EYS: variants seen among roughly 807,000 people sequenced by gnomAD.
The protein encoded by EYS is EGF-like photoreceptor maintenance factor.
In EYS, 250 loss-of-function variants were observed where a neutral mutation model predicts 282.1. The ratio of observed to expected loss-of-function variants is 0.89; its 90% CI spans 0.80 to 0.98. The LOEUF (loss-of-function observed/expected upper bound fraction) is 0.98. Among genes scored for constraint, EYS ranks in the 50% least tolerant of loss-of-function variants. EYS has a pLI of 0.00. For synonymous variants in EYS, 1,355 were observed against 1,282.9 expected (o/e 1.06, Z -1.20); for missense variants, 4,016 against 3,709.0 (o/e 1.08, Z -2.15).
chr6:65,450,421 G>A (rs1417814824), intron 5 of EYS, among the ~76,000 whole-genome samples: 1 of 152,054 alleles, frequency 6.6e-6, no homozygotes, highest in Non-Finnish European at 1.5e-5. Context: ...GGATTCTCTG[G>A]GAATCAGATG....
At chr6:65,419,802 AG>A (rs1767385694) in intron 5 of EYS, among the ~76,000 whole-genome samples, 1 of 151,994 alleles carries the variant, frequency 6.6e-6, no homozygotes, top group South Asian at 2.1e-4. Context: ...GAGCTATTGC[AG>A]GTAGGTTTCC....
At chr6:65,198,985 G>A (rs147984838) in intron 12 of EYS, among the ~76,000 whole-genome samples, 7 of 152,154 alleles carry the variant, frequency 4.6e-5, no homozygotes, top group Non-Finnish European at 8.8e-5. Context: ...ATGGCCTAGC[G>A]TAGCACATGA....
chr6:65,275,636 A>G (rs1372580430), intron 12 of EYS, among the ~76,000 whole-genome samples: 1 of 152,172 alleles, frequency 6.6e-6, no homozygotes, highest in Non-Finnish European at 1.5e-5. Context: ...GGGCAATCAT[A>G]TATGGATTCA....
chr6:65,088,318 T>A (rs1442805479), intron 12 of EYS, among the ~76,000 whole-genome samples: 1 of 152,100 alleles, frequency 6.6e-6, no homozygotes, highest in Admixed American at 6.6e-5. Flanking sequence ...GACAGGAAGA[T>A]GTGGGAAAGT....
At chr6:65,347,864 A>C (rs912836034) in intron 9 of EYS, among the ~76,000 whole-genome samples, 1 of 151,300 alleles carries the variant, frequency 6.6e-6, no homozygotes, top group African/African-American at 2.4e-5. Flanking sequence ...ATCTATCCCC[A>C]CTTCCATCCA....
chr6:65,497,781 A>T (rs1247762166), intron 2 of EYS, among the ~76,000 whole-genome samples: 1 of 152,078 alleles, frequency 6.6e-6, no homozygotes, highest in Non-Finnish European at 1.5e-5. Context: ...TCAATGTTTT[A>T]ATGAAAAGAC....
At chr6:64,696,035 T>TA (rs1474436883) in intron 22 of EYS, among the ~76,000 whole-genome samples, 1 of 152,022 alleles carries the variant, frequency 6.6e-6, no homozygotes, top group Non-Finnish European at 1.5e-5. Flanking sequence ...AAATGCCAGA[T>TA]AAAAAATTCA....
intron 12 of EYS, among the ~76,000 whole-genome samples, chr6:65,089,853 G>A (rs926724378): frequency 6.6e-6 from 1 of 151,618 alleles, no homozygotes; most frequent in African/African-American, 2.4e-5. Context: ...CTACTGGGTA[G>A]GTTGAGTGAG....
At chr6:64,244,907 C>T (rs1766959893) in intron 30 of EYS, among the ~76,000 whole-genome samples, 1 of 151,972 alleles carries the variant, frequency 6.6e-6, no homozygotes, top group Non-Finnish European at 1.5e-5. Context: ...ATACATGTGC[C>T]ATGTTGGTGT....
chr6:64,014,715 G>T (rs921247393), intron 33 of EYS, among the ~76,000 whole-genome samples: 1 of 151,902 alleles, frequency 6.6e-6, no homozygotes, highest in Admixed American at 6.6e-5. Flanking sequence ...TTTGGTTTCT[G>T]GTTTCTCTAC....
chr6:64,004,176 A>G (rs929984874), intron 33 of EYS, among the ~76,000 whole-genome samples: 4 of 152,080 alleles, frequency 2.6e-5, no homozygotes, highest in Non-Finnish European at 4.4e-5. Flanking sequence ...TTTCTGTCTG[A>G]CATTCTTCTT....
intron 28 of EYS, among the ~76,000 whole-genome samples, chr6:64,424,597 G>A (rs1774343779): frequency 6.6e-6 from 1 of 152,160 alleles, no homozygotes; most frequent in African/African-American, 2.4e-5. Flanking sequence ...CTCACTCTAA[G>A]ATTGCATTTC....
intron 11 of EYS, among the ~76,000 whole-genome samples, chr6:65,324,700 C>G (rs1011475857): frequency 6.6e-6 from 1 of 152,164 alleles, no homozygotes; most frequent in African/African-American, 2.4e-5. Flanking sequence ...CATAAGTAAC[C>G]TGGACTTTGG....
chr6:65,703,645 T>C (rs1482748627), intron 1 of EYS, among the ~76,000 whole-genome samples: 1 of 151,822 alleles, frequency 6.6e-6, no homozygotes. Flanking sequence ...TATATTTACA[T>C]TGAAGTTACA....
intron 1 of EYS, among the ~76,000 whole-genome samples, chr6:65,641,755 G>T (rs985287393): frequency 2.0e-5 from 3 of 152,138 alleles, no homozygotes; most frequent in Non-Finnish European, 4.4e-5. Flanking sequence ...AGATCTTTAT[G>T]TTCTTTATAT....
intron 11 of EYS, among the ~76,000 whole-genome samples, chr6:65,316,665 G>A (rs1024569028): frequency 4.0e-5 from 6 of 151,652 alleles, no homozygotes; most frequent in African/African-American, 1.5e-4. Flanking sequence ...AGTGTGTGAT[G>A]TTCCCCTCCT....
At chr6:63,937,345 C>CTTTTTTTTTTTTTTTTTTT (rs778809745) in intron 35 of EYS, among the ~76,000 whole-genome samples, 5 of 54,494 alleles carry the variant, frequency 9.2e-5, no homozygotes, top group Admixed American at 2.3e-4. Flanking sequence ...TCTCTCTTTT[C>CTTTTTTTTTTTTTTTTTTT]TTTTTTTTTT....
chr6:64,362,373 T>C (rs1772046021), intron 29 of EYS, among the ~76,000 whole-genome samples: 1 of 151,894 alleles, frequency 6.6e-6, no homozygotes, highest in African/African-American at 2.4e-5. Context: ...AATAGTTATT[T>C]AAGTTACAAA....
At position 64,816,069 on chromosome 6, in the gene EYS, C is replaced by T. The variant is rs12192067; in HGVS notation, c.3244-2492G>A. Among the ~76,000 whole-genome samples the T allele has an allele frequency of 6.2e-3, 947 of 152,070 alleles. 5 individuals carry two copies. Among genetic ancestry groups the T allele is most frequent in the Non-Finnish European group, 0.011 (763 of 67,946 alleles). ...TCATAACATTTCTCTCATGGCATCA[C>T]GTTTTATTTTTTAGCATTGGTGTTT... is the stretch of plus-strand genomic sequence containing the variant. On this transcript the variant is annotated intron_variant, in intron 21 of 42. Transcript: ENST00000503581.
Sources: gnomAD v4.1 joint callset for allele counts (sites outside exome capture counted in the v4.1 genomes callset) on GRCh38, gnomAD v4.1.1 for gene constraint, MANE v1.5 for transcripts, NCBI Gene and HGNC (gene_info 2026-07-23, HGNC 2026-07-21) for gene names.